CCDC3: variants seen among roughly 807,000 people sequenced by gnomAD.
The protein encoded by CCDC3 is coiled-coil domain-containing protein 3.
CCDC3 carries 24 observed loss-of-function variants against 21.4 expected under a neutral mutation model. That is an observed-to-expected ratio of 1.12 (90% CI 0.81 to 1.58). The LOEUF (loss-of-function observed/expected upper bound fraction) is 1.58. CCDC3 is among the 40% of genes most tolerant of loss of function. The probability of loss-of-function intolerance (pLI) is 0.00; values close to 1 mark genes in which losing one functional copy is unlikely to be tolerated. For missense variants in CCDC3, 425 were observed against 360.9 expected, an observed-to-expected ratio of 1.18 and a Z score of -1.44; for synonymous variants, 186 against 166.0, an observed-to-expected ratio of 1.12 and a Z score of -0.93.
chr10:13,070,649 C>T (rs1836870808), intron 4 of CCDC3, among the ~76,000 whole-genome samples: 1 of 152,192 alleles, frequency 6.6e-6, no homozygotes, highest in South Asian at 2.1e-4. Flanking sequence ...AGGATACAAA[C>T]CCATGACTAG....
upstream of CCDC3, among the ~76,000 whole-genome samples, chr10:13,003,738 G>C (rs1267724659): frequency 6.6e-6 from 1 of 152,164 alleles, no homozygotes; most frequent in African/African-American, 2.4e-5. Flanking sequence ...AGACTGTAAG[G>C]CCCTCTCTTT....
intron 3 of CCDC3, among the ~76,000 whole-genome samples, chr10:13,086,543 G>T (rs565444283): frequency 6.6e-6 from 1 of 152,114 alleles, no homozygotes; most frequent in South Asian, 2.1e-4. Flanking sequence ...CGCAACCTCC[G>T]CCTCCCGGTT....
At chr10:13,034,129 T>C (rs1836344101) in intron 5 of CCDC3, among the ~76,000 whole-genome samples, 1 of 152,138 alleles carries the variant, frequency 6.6e-6, no homozygotes, top group East Asian at 1.9e-4. Flanking sequence ...TAAGAAAATG[T>C]GGCACATATA....
At chr10:12,913,875 T>G (rs1834307927) in intron 2 of CCDC3, among the ~76,000 whole-genome samples, 1 of 152,254 alleles carries the variant, frequency 6.6e-6, no homozygotes, top group South Asian at 2.1e-4. Context: ...ATTAATGTGA[T>G]GTATCTCATT....
At chr10:12,939,937 C>G (rs986762) in intron 2 of CCDC3, among the ~76,000 whole-genome samples, 36,550 of 152,086 alleles carry the variant, frequency 0.24, 4,680 homozygotes, top group South Asian at 0.45. Context: ...AGATTGTTAG[C>G]TATGGGAATA....
intron 5 of CCDC3, among the ~76,000 whole-genome samples, chr10:13,036,142 C>CA (rs1836375148): frequency 6.7e-6 from 1 of 150,306 alleles, no homozygotes; most frequent in Non-Finnish European, 1.5e-5. Context: ...GACTCTGTCT[C>CA]AAAAAACAAA....
chr10:12,929,054 G>A (rs1208071292), intron 2 of CCDC3, among the ~76,000 whole-genome samples: 2 of 151,996 alleles, frequency 1.3e-5, no homozygotes, highest in Non-Finnish European at 2.9e-5. Context: ...ATGAGGTCAG[G>A]AGTTCAAGAC....
At position 12,911,182 on chromosome 10, in the gene CCDC3, T is replaced by G. The variant is rs528282275; in HGVS notation, c.550-12503A>C. 6.4e-5 allele frequency among the ~76,000 whole-genome samples: 9 copies of G among 141,358 alleles called. No homozygotes were observed. The East Asian group carries it at 1.6e-3, about 25-fold the overall frequency. 92.7% of individuals were successfully genotyped at this position (141,358 alleles called of 152,430 possible). A position where few individuals can be genotyped will look rare whatever the true frequency, so the allele number is the denominator to read the frequency against. ...CCCTTGTCACCCCATAAGTCACCTC[T>G]CCTAATGAGGCTGTTGCATCACCTG... is the stretch of plus-strand genomic sequence containing the variant. On this transcript the variant is annotated intron_variant, in intron 2 of 2. Transcript: ENST00000378825.
intron 5 of CCDC3, among the ~76,000 whole-genome samples, chr10:13,035,697 C>T (rs369866487): frequency 2.0e-5 from 3 of 152,182 alleles, no homozygotes; most frequent in East Asian, 3.8e-4. Context: ...TCATCATTCA[C>T]GTGCAACCCA....
chr10:12,979,925 C>T (rs143188856), intron 2 of CCDC3, among the ~76,000 whole-genome samples: 9 of 152,294 alleles, frequency 5.9e-5, no homozygotes, highest in African/African-American at 2.2e-4. Context: ...CTAGTTTCTA[C>T]TGATAGCCTT....
At chr10:13,036,468 A>C (rs370411805) in intron 5 of CCDC3, among the ~76,000 whole-genome samples, 126 of 152,124 alleles carry the variant, frequency 8.3e-4, no homozygotes, top group African/African-American at 2.6e-3. Flanking sequence ...TGAAGGCCTT[A>C]TGTGTGCTTT....
intron 5 of CCDC3, among the ~76,000 whole-genome samples, chr10:13,035,303 C>T (rs1836364561): frequency 6.6e-6 from 1 of 152,100 alleles, no homozygotes. Flanking sequence ...GAAATTCTCA[C>T]TTTTGGGCTC....
chr10:13,037,514 T>G (rs1224893230), intron 5 of CCDC3, among the ~76,000 whole-genome samples: 1 of 152,174 alleles, frequency 6.6e-6, no homozygotes, highest in Admixed American at 6.5e-5. Context: ...TTTTTCTCAC[T>G]AGAATCAGTA....
chr10:12,934,693 T>C (rs1173598966), intron 2 of CCDC3, among the ~76,000 whole-genome samples: 1 of 152,226 alleles, frequency 6.6e-6, no homozygotes, highest in Non-Finnish European at 1.5e-5. Flanking sequence ...TATTACATAA[T>C]GGCCCTCTTT....
At chr10:12,967,562 A>C (rs1835279697) in intron 2 of CCDC3, among the ~76,000 whole-genome samples, 1 of 152,138 alleles carries the variant, frequency 6.6e-6, no homozygotes, top group Admixed American at 6.5e-5. Context: ...AAAATTGATC[A>C]AGGAGAAAAA....
chr10:12,902,451 T>TA (rs1225613777), intron 2 of CCDC3, among the ~76,000 whole-genome samples: 1 of 152,192 alleles, frequency 6.6e-6, no homozygotes, highest in Non-Finnish European at 1.5e-5. Flanking sequence ...GAGCACTGTA[T>TA]AATGACACTC....
intron 5 of CCDC3, among the ~76,000 whole-genome samples, chr10:13,017,520 A>AAT (rs1418184227): frequency 6.8e-6 from 1 of 147,480 alleles, no homozygotes; most frequent in East Asian, 1.9e-4. Context: ...CCATCTCAAA[A>AAT]AAAAAAAAAA....
At chr10:13,017,350 C>G (rs1836077680) in intron 5 of CCDC3, among the ~76,000 whole-genome samples, 1 of 151,696 alleles carries the variant, frequency 6.6e-6, no homozygotes. Flanking sequence ...AACTTCACCT[C>G]TACTAAAAAT....
intron 5 of CCDC3, among the ~76,000 whole-genome samples, chr10:13,033,308 A>T (rs184729388): frequency 6.6e-6 from 1 of 152,328 alleles, no homozygotes; most frequent in East Asian, 1.9e-4. Context: ...CTGAAACTGG[A>T]TCCCTTCCTT....
Sources: gnomAD v4.1 joint callset for allele counts (sites outside exome capture counted in the v4.1 genomes callset) on GRCh38, gnomAD v4.1.1 for gene constraint, MANE v1.5 for transcripts, NCBI Gene and HGNC (gene_info 2026-07-23, HGNC 2026-07-21) for gene names.